SORCS2: variants seen among roughly 807,000 people sequenced by gnomAD.
The protein encoded by SORCS2 is VPS10 domain-containing receptor SorCS2.
In SORCS2, 100 loss-of-function variants were observed where a neutral mutation model predicts 141.6. The observed-to-expected ratio is 0.71, with a 90% CI of 0.60 to 0.83. The LOEUF (loss-of-function observed/expected upper bound fraction) is 0.83, where lower values mean the gene tolerates loss of function less well. SORCS2 is among the 40% of genes least tolerant of loss of function. SORCS2 has a pLI of 0.00. For synonymous variants in SORCS2, 789 were observed against 676.9 expected, an observed-to-expected ratio of 1.17 and a Z score of -2.57; for missense variants, 1,646 against 1,560.2, an observed-to-expected ratio of 1.05 and a Z score of -0.93.
At chr4:7,218,185 A>G (rs945401264) in intron 1 of SORCS2, among the ~76,000 whole-genome samples, 1 of 152,136 alleles carries the variant, frequency 6.6e-6, no homozygotes. Flanking sequence ...AGATTGAGCA[A>G]TTAGAGAAAT....
chr4:7,198,515 T>G (rs1397596035), intron 1 of SORCS2, among the ~76,000 whole-genome samples: 1 of 152,110 alleles, frequency 6.6e-6, no homozygotes, highest in Non-Finnish European at 1.5e-5. Flanking sequence ...GAGGCTGGAT[T>G]GGAGCCTGAG....
chr4:7,444,002 A>G (rs1464348987), intron 2 of SORCS2, among the ~76,000 whole-genome samples: 1 of 152,222 alleles, frequency 6.6e-6, no homozygotes, highest in Non-Finnish European at 1.5e-5. Context: ...TGCCTCACCC[A>G]CAGGTAAAGG....
intron 25 of SORCS2, among the ~76,000 whole-genome samples, chr4:7,735,230 C>T (rs1712073257): frequency 6.6e-6 from 1 of 152,246 alleles, no homozygotes; most frequent in South Asian, 2.1e-4. Flanking sequence ...TCGGGGTCAC[C>T]CTTGAGGATC....
intron 2 of SORCS2, among the ~76,000 whole-genome samples, chr4:7,422,133 C>T (rs1023286151): frequency 6.6e-6 from 1 of 152,206 alleles, no homozygotes; most frequent in Non-Finnish European, 1.5e-5. Flanking sequence ...CGTCACCCAC[C>T]TAACGTGGTC....
At chr4:7,551,194 G>C (rs1037636270) in intron 3 of SORCS2, among the ~76,000 whole-genome samples, 1 of 152,180 alleles carries the variant, frequency 6.6e-6, no homozygotes, top group Admixed American at 6.5e-5. Flanking sequence ...GATATTGTTG[G>C]TCAAGATCTC....
At chr4:7,476,841 A>G (rs1023399857) in intron 2 of SORCS2, among the ~76,000 whole-genome samples, 23 of 152,128 alleles carry the variant, frequency 1.5e-4, no homozygotes, top group African/African-American at 5.1e-4. Context: ...AGCATTGCCT[A>G]CTGTCTGTGT....
At chr4:7,565,074 C>T (rs773587320) in intron 3 of SORCS2, among the ~76,000 whole-genome samples, 1 of 152,136 alleles carries the variant, frequency 6.6e-6, no homozygotes, top group Non-Finnish European at 1.5e-5. Flanking sequence ...GCCAAAGGTG[C>T]TCAGAGGGAG....
At position 7,711,625 on chromosome 4, in the gene SORCS2, C is replaced by T. The variant is rs111852348; in HGVS notation, c.1869-1108C>T. On this transcript the variant is annotated intron_variant, in intron 14 of 26. Transcript: ENST00000507866. ...GAAGGCACTCAGGCAGCAGCCCTCC[C>T]AGAGAGGGAGAAAGCGAGGCACCTG... 2.8e-3 allele frequency among the ~76,000 whole-genome samples: 420 copies of T among 152,322 alleles called. 3 individuals carry two copies. Among genetic ancestry groups the T allele is most frequent in the African/African-American group, 9.6e-3 (399 of 41,560 alleles).
chr4:7,660,354 T>A (rs1722074141), intron 5 of SORCS2, among the ~76,000 whole-genome samples: 1 of 152,138 alleles, frequency 6.6e-6, no homozygotes. Flanking sequence ...GCAGCTACAG[T>A]GTCTCCTTTA....
At chr4:7,437,708 CCAAA>C (rs1354899242) in intron 2 of SORCS2, among the ~76,000 whole-genome samples, 2 of 134,990 alleles carry the variant, frequency 1.5e-5, no homozygotes, top group Non-Finnish European at 3.3e-5. Context: ...GGGGACAAAA[CCAAA>C]CACTTTTTTT....
At chr4:7,582,501 C>T (rs941330165) in intron 3 of SORCS2, among the ~76,000 whole-genome samples, 1 of 152,214 alleles carries the variant, frequency 6.6e-6, no homozygotes, top group East Asian at 1.9e-4. Context: ...CCTCGCCCAT[C>T]ATGCAATGCA....
chr4:7,721,465 TA>T (rs574484344), intron 18 of SORCS2, among the ~76,000 whole-genome samples: 21 of 150,506 alleles, frequency 1.4e-4, no homozygotes, highest in Non-Finnish European at 2.2e-4. Flanking sequence ...GATCCCGTCT[TA>T]AAAAAAAAAT....
At chr4:7,654,861 A>C (rs1319473375) in intron 5 of SORCS2, among the ~76,000 whole-genome samples, 1 of 152,158 alleles carries the variant, frequency 6.6e-6, no homozygotes, top group African/African-American at 2.4e-5. Flanking sequence ...GCAGAGGGCC[A>C]CTGGGGGCCC....
intron 2 of SORCS2, among the ~76,000 whole-genome samples, chr4:7,410,397 C>G (rs1725227413): frequency 6.6e-6 from 1 of 152,232 alleles, no homozygotes; most frequent in Non-Finnish European, 1.5e-5. Flanking sequence ...GGAAAGTCCT[C>G]TGTGCACATA....
chr4:7,212,207 T>G (rs2108886078), intron 1 of SORCS2, among the ~76,000 whole-genome samples: 1 of 152,332 alleles, frequency 6.6e-6, no homozygotes, highest in Non-Finnish European at 1.5e-5. Context: ...TCCCAGACCC[T>G]GCCGGAATTG....
chr4:7,578,154 C>T (rs544588951), intron 3 of SORCS2, among the ~76,000 whole-genome samples: 5 of 152,326 alleles, frequency 3.3e-5, no homozygotes, highest in Admixed American at 6.5e-5. Context: ...TTGGTTACCA[C>T]GAGAGCAGGT....
At chr4:7,313,421 G>T (rs553636424) in intron 1 of SORCS2, among the ~76,000 whole-genome samples, 217 of 152,320 alleles carry the variant, frequency 1.4e-3, no homozygotes, top group African/African-American at 4.8e-3. Context: ...GCAAATGTCA[G>T]GCTGCTCTCT....
At chr4:7,711,608 T>G (rs12171489) in intron 14 of SORCS2, among the ~76,000 whole-genome samples, 2,886 of 152,240 alleles carry the variant, frequency 0.019, 80 homozygotes, top group African/African-American at 0.067. Flanking sequence ...TGGAAGGCAC[T>G]CAGGCAGCAG....
chr4:7,540,203 TCCCTGCC>T (rs1712511337), intron 3 of SORCS2, among the ~76,000 whole-genome samples: 1 of 90,432 alleles, frequency 1.1e-5, no homozygotes, highest in Admixed American at 1.3e-4. Context: ...TCCCTGCCCC[TCCCTGCC>T]CCTGCCTCTG....
Sources: allele counts gnomAD v4.1 joint callset (sites outside exome capture counted in the v4.1 genomes callset), GRCh38; gene constraint gnomAD v4.1.1; transcripts MANE v1.5; gene names NCBI Gene and HGNC (gene_info 2026-07-23, HGNC 2026-07-21).